Variants in ARMH3 observed in about 807,000 individuals in gnomAD.
The protein encoded by ARMH3 is armadillo-like helical domain-containing protein 3.
A neutral mutation model predicts 99.1 loss-of-function variants in ARMH3; 60 were observed. The ratio of observed to expected loss-of-function variants is 0.61; its 90% CI spans 0.49 to 0.75. ARMH3 has a LOEUF of 0.75. ARMH3 is among the 30% of genes least tolerant of loss of function. The probability of loss-of-function intolerance (pLI) is 0.00; values close to 1 mark genes in which losing one functional copy is unlikely to be tolerated. For synonymous variants in ARMH3, 285 were observed against 292.8 expected (o/e 0.97, Z 0.27); for missense variants, 679 against 843.1 (o/e 0.81, Z 2.41).
intron 8 of ARMH3, among the ~76,000 whole-genome samples, chr10:102,022,838 C>A (rs1207064907): frequency 6.6e-6 from 1 of 151,080 alleles, no homozygotes; most frequent in East Asian, 2.0e-4. Flanking sequence ...CCTCGGCCTC[C>A]CAAAGTGCTG....
intron 23 of ARMH3, among the ~76,000 whole-genome samples, chr10:101,929,614 A>G (rs1001499337): frequency 2.0e-5 from 3 of 152,254 alleles, no homozygotes; most frequent in Non-Finnish European, 4.4e-5. Context: ...TTAATTTAGT[A>G]TAAATCTGAA....
rs1159008036 is a variant in ARMH3 at position 101,934,750 on chromosome 10, C to G, written c.1781+5113G>C. On this transcript the variant is annotated intron_variant, in intron 23 of 25. Coordinates refer to ENST00000370033, the MANE Select transcript of ARMH3 (RefSeq NM_024541.3). ...TCATTAAGGGCCTCAAATTACTTACCCTGAAAGTTGTTTGGTTAGATGAAG... is the reference window on the plus strand; with the variant it reads ...TCATTAAGGGCCTCAAATTACTTACGCTGAAAGTTGTTTGGTTAGATGAAG... Among the ~76,000 whole-genome samples the G allele has an allele frequency of 1.3e-5, 2 of 151,858 alleles. 1 individual carries two copies. The highest frequency in any genetic ancestry group is 3.9e-4 in the East Asian group (2 of 5,182).
At chr10:101,985,706 C>T (rs1044248295) in intron 19 of ARMH3, among the ~76,000 whole-genome samples, 6 of 151,742 alleles carry the variant, frequency 4.0e-5, no homozygotes, top group African/African-American at 9.7e-5. Context: ...AAAGCAAGAC[C>T]CTGCCTCTAA....
intron 23 of ARMH3, among the ~76,000 whole-genome samples, chr10:101,934,906 C>T (rs1159181940): frequency 6.6e-6 from 1 of 151,988 alleles, no homozygotes; most frequent in Admixed American, 6.6e-5. Context: ...TATAAGTCTT[C>T]AGACAAAAGT....
At chr10:102,055,907 C>T (rs558551305) in intron 1 of ARMH3, among the ~76,000 whole-genome samples, 178 bp downstream of exon 1, 2 of 152,308 alleles carry the variant, frequency 1.3e-5, no homozygotes, top group South Asian at 2.1e-4. Flanking sequence ...CCCAGCCCTC[C>T]CCGGCATACG....
intron 1 of ARMH3, among the ~76,000 whole-genome samples, chr10:102,041,431 A>G (rs1262349714): frequency 6.6e-6 from 1 of 152,162 alleles, no homozygotes; most frequent in East Asian, 1.9e-4. Flanking sequence ...CAAAACCGAC[A>G]CAGCAGAACT....
At chr10:102,035,109 A>G (rs2067220429) in intron 2 of ARMH3, among the ~76,000 whole-genome samples, 1 of 151,880 alleles carries the variant, frequency 6.6e-6, no homozygotes, top group African/African-American at 2.4e-5. Context: ...AGTGGCTCAC[A>G]CCTGTAATCC....
At chr10:101,899,006 G>C (rs918161268) in intron 23 of ARMH3, among the ~76,000 whole-genome samples, 1 of 152,110 alleles carries the variant, frequency 6.6e-6, no homozygotes, top group Non-Finnish European at 1.5e-5. Flanking sequence ...TTGCTTCCCC[G>C]AACAACATGG....
At chr10:101,865,032 T>C (rs1032899645) in intron 24 of ARMH3, among the ~76,000 whole-genome samples, 4 of 151,666 alleles carry the variant, frequency 2.6e-5, no homozygotes, top group Admixed American at 1.3e-4. Context: ...ATGGCTAACA[T>C]GGTGAAACCC....
At chr10:102,032,166 G>C (rs2067146693) in intron 4 of ARMH3, among the ~76,000 whole-genome samples, 1 of 152,148 alleles carries the variant, frequency 6.6e-6, no homozygotes, top group Non-Finnish European at 1.5e-5. Context: ...TACTTCTAGA[G>C]TACTATTTGC....
rs5787448 is a variant in ARMH3, at chr10:101,935,174, AATATATATAT to A, written c.1781+4679_1781+4688del. 9.3e-4 allele frequency among the ~76,000 whole-genome samples: 109 copies of A among 117,154 alleles called. 2 individuals are homozygous for A. In the South Asian group the frequency reaches 0.02, roughly 22 times the overall value. 76.9% of individuals were successfully genotyped at this position (117,154 alleles called of 152,430 possible). ...AGAAGCGGAATCTCAAAGGTGGAGC[AATATATATAT>A]ATATATATATATATACATTTTTTGT... On this transcript the variant is annotated intron_variant, in intron 23 of 25. Coordinates refer to ENST00000370033, the MANE Select transcript of ARMH3 (RefSeq NM_024541.3).
chr10:102,033,400 C>G, intron 2 of ARMH3, 61 bp from the exon 3 acceptor site: 1 of 1,506,860 alleles, frequency 6.6e-7, no homozygotes, highest in South Asian at 1.2e-5. Context: ...ATTAAGAATA[C>G]TATACATAGT....
rs202229022 is a variant in ARMH3, at chr10:101,847,596, G to A, written c.2002C>T (p.Arg668Trp). The A allele has an allele frequency of 2.8e-5, 46 of 1,614,158 alleles. No individual in the cohort carries two copies. The highest frequency in any genetic ancestry group is 4.5e-5 in the East Asian group (2 of 44,888). Residue 668 changes from arginine to tryptophan, a missense_variant, in exon 26 of 26, where the codon CGG (arginine) becomes TGG (tryptophan). Physicochemically the swap from Arg to Trp is moderately radical, Grantham distance 101 (BLOSUM62 -3). Transcript: ENST00000370033. The part of the protein sequence containing the change: ...ELVRSISTNV[R>W]RNLAFHTLSQ... ...AGTGTGTGGAAGGCCAGGTTTCTCC[G>A]GACGTTGGTGCTAATGGATCGAACC...
At chr10:101,852,494 G>A (rs1211193426) in intron 24 of ARMH3, among the ~76,000 whole-genome samples, 1 of 152,226 alleles carries the variant, frequency 6.6e-6, no homozygotes, top group African/African-American at 2.4e-5. Flanking sequence ...GGTGGCTCAC[G>A]CCTGTAATCC....
At chr10:101,911,916 C>T (rs1842881987) in intron 23 of ARMH3, among the ~76,000 whole-genome samples, 1 of 151,794 alleles carries the variant, frequency 6.6e-6, no homozygotes, top group South Asian at 2.1e-4. Flanking sequence ...GCCTGTAGCC[C>T]CAGTTACTCA....
intron 19 of ARMH3, among the ~76,000 whole-genome samples, chr10:101,979,247 T>C (rs911748564): frequency 1.3e-5 from 2 of 152,154 alleles, no homozygotes; most frequent in Non-Finnish European, 2.9e-5. Context: ...GTCTATCAAT[T>C]AGTGAATGAA....
chr10:101,954,806 T>G (rs1457563638), intron 22 of ARMH3, among the ~76,000 whole-genome samples: 1 of 152,214 alleles, frequency 6.6e-6, no homozygotes, highest in Non-Finnish European at 1.5e-5. Flanking sequence ...ACTTTCCTAT[T>G]TGTGCCCTCC....
At chr10:101,946,613 C>T (rs915088172) in intron 22 of ARMH3, among the ~76,000 whole-genome samples, 2 of 151,838 alleles carry the variant, frequency 1.3e-5, no homozygotes, top group Non-Finnish European at 2.9e-5. Context: ...TAATTAAATA[C>T]GAAGAATAGA....
At chr10:101,930,766 A>G (rs1045274505) in intron 23 of ARMH3, among the ~76,000 whole-genome samples, 1 of 152,180 alleles carries the variant, frequency 6.6e-6, no homozygotes, top group African/African-American at 2.4e-5. Flanking sequence ...AGGACTGAAC[A>G]AAGTTGGGTA....
Sources: allele counts gnomAD v4.1 joint callset (sites outside exome capture counted in the v4.1 genomes callset), GRCh38; gene constraint gnomAD v4.1.1; transcripts MANE v1.5; gene names NCBI Gene and HGNC (gene_info 2026-07-23, HGNC 2026-07-21).